Variants in APOBEC3G observed in about 807,000 individuals in gnomAD.
APOBEC3G encodes the protein apolipoprotein B mRNA editing enzyme catalytic subunit 3G, also known as DNA dC->dU-editing enzyme APOBEC-3G.
APOBEC3G carries 44 observed loss-of-function variants against 50.0 expected under a neutral mutation model. The ratio of observed to expected loss-of-function variants is 0.88; its 90% confidence interval spans 0.69 to 1.13. The LOEUF is 1.13. Ranked by LOEUF, APOBEC3G falls within the 50% of genes most tolerant of loss-of-function variation. The pLI is 0.00. For synonymous variants in APOBEC3G, 156 were observed against 175.3 expected, an observed-to-expected ratio of 0.89 and a Z score of 0.87; for missense variants, 469 against 492.0, an observed-to-expected ratio of 0.95 and a Z score of 0.44.
intron 5 of APOBEC3G, 84 bp downstream of exon 5, chr22:39,083,968 T>C (rs1928589500): frequency 6.6e-7 from 1 of 1,506,214 alleles, no homozygotes; most frequent in Non-Finnish European, 9.0e-7. Flanking sequence ...GTGGTACCTG[T>C]GGTGTCCTGC....
chr22:39,077,341 G>C lies in APOBEC3G; in HGVS notation c.-21G>C. On this transcript the variant is annotated 5_prime_UTR_variant, in exon 1 of 8. Transcript: ENST00000407997. ...CCTGGTGCTCCAGACAAAGATCTTA[G>C]TCGGGACTAGCCGGCCAAGGATGAA... 1 of 1,572,916 alleles carries C rather than the reference G, an allele frequency of 6.4e-7. No homozygotes were observed. Among genetic ancestry groups the C allele is most frequent in the Non-Finnish European group, 8.6e-7 (1 of 1,158,516 alleles).
At position 39,081,037 on chromosome 22, in the gene APOBEC3G, A is replaced by G; in HGVS notation, c.276A>G (p.Ile92Met). ...RDQEYEVTWY[I>M]SWSPCTKCTR... ...AGGAGTATGAGGTCACCTGGTACAT[A>G]TCCTGGAGCCCCTGCACAAAGTGTA... Residue 92 changes from isoleucine (I) to methionine (M), a missense_variant, in exon 3 of 8, where the codon ATA becomes ATG. By Grantham distance (10) the Ile-to-Met change is conservative. Coordinates refer to ENST00000407997, the MANE Select transcript of APOBEC3G (RefSeq NM_021822.4). 6.2e-7 allele frequency: 1 copy of G among 1,614,124 alleles called. No homozygotes were observed. Among genetic ancestry groups the G allele is most frequent in the Non-Finnish European group, 8.5e-7 (1 of 1,180,022 alleles).
chr22:39,087,196 C>T, intron 7 of APOBEC3G, 70 bp downstream of exon 7: 1 of 1,609,512 alleles, frequency 6.2e-7, no homozygotes, highest in Non-Finnish European at 8.5e-7. Flanking sequence ...TGCGCCGTGC[C>T]TTCCCCTCTG....
chr22:39,083,764 C>T lies in APOBEC3G; in HGVS notation c.615C>T (p.Asn205=). 6.2e-7 allele frequency: 1 copy of T among 1,613,998 alleles called. No homozygotes were observed. The highest frequency in any genetic ancestry group is 8.5e-7 in the Non-Finnish European group (1 of 1,179,902). Residue 205 remains asparagine (N), a synonymous_variant, in exon 5 of 8, where the codon AAC becomes AAT. Transcript: ENST00000407997. Reference sequence around the variant, plus strand: ...TGGATCCACCCACATTCACTTTCAACTTTAACAATGAACCTTGGGTCAGAG... The same window carrying T: ...TGGATCCACCCACATTCACTTTCAATTTTAACAATGAACCTTGGGTCAGAG... ...HSMDPPTFTF[N]FNNEPWVRGR... is the part of the protein sequence containing the mutation.
rs1418541013 is a variant in APOBEC3G, at chr22:39,083,895, C to T, written c.735+11C>T. 1 of 1,610,926 alleles carries T rather than the reference C, an allele frequency of 6.2e-7. No individual in the cohort carries two copies. Among genetic ancestry groups the T allele is most frequent in the African/African-American group, 1.3e-5 (1 of 74,992 alleles). On this transcript the variant is annotated intron_variant, in intron 5 of 7. Transcript: ENST00000407997. ...TTTCTATGCAACCAGGTGACCAACCCAGCCACCCGCATCCAGGCAGGGCCC... is the reference window on the plus strand; with the variant it reads ...TTTCTATGCAACCAGGTGACCAACCTAGCCACCCGCATCCAGGCAGGGCCC...
chr22:39,085,090 A>T (rs1928635443), intron 5 of APOBEC3G, among the ~76,000 whole-genome samples: 1 of 152,120 alleles, frequency 6.6e-6, no homozygotes, highest in Admixed American at 6.5e-5. Context: ...CGTGTCATCC[A>T]TTCTACCCCG....
chr22:39,077,557 A>ACTGCTG (rs1301804378), intron 1 of APOBEC3G, among the ~76,000 whole-genome samples, 179 bp downstream of exon 1: 1 of 147,846 alleles, frequency 6.8e-6, no homozygotes, highest in African/African-American at 2.5e-5. Context: ...TTGTCGCCCC[A>ACTGCTG]CTGCTGCTTC....
intron 5 of APOBEC3G, 110 bp from the exon 6 acceptor site, chr22:39,086,169 T>C: frequency 8.1e-7 from 1 of 1,227,294 alleles, no homozygotes; most frequent in Non-Finnish European, 1.1e-6. Flanking sequence ...CCTGGTGTGG[T>C]GGTGCATGCC....
At chr22:39,084,255 ACG>A (rs1569085542) in intron 5 of APOBEC3G, among the ~76,000 whole-genome samples, 1 of 151,508 alleles carries the variant, frequency 6.6e-6, no homozygotes, top group Non-Finnish European at 1.5e-5. Context: ...CCGGCCGGGC[ACG>A]GTGGCTCATG....
At position 39,081,148 on chromosome 22, in the gene APOBEC3G, A is replaced by G. The variant is rs779386703; in HGVS notation, c.387A>G (p.Pro129=). The change falls in exon 3 of 8, where the codon CCA becomes CCG. Residue 129 remains proline, a synonymous_variant. Coordinates refer to ENST00000407997, the MANE Select transcript of APOBEC3G (RefSeq NM_021822.4). Reference sequence around the variant, plus strand: ...CCCGCCTCTACTACTTCTGGGACCCAGATTACCAGGAGGCGCTTCGCAGCC... The same window carrying G: ...CCCGCCTCTACTACTTCTGGGACCCGGATTACCAGGAGGCGCTTCGCAGCC... ...FVARLYYFWD[P]DYQEALRSLC... is the part of the protein sequence containing the mutation. 3.1e-6 allele frequency: 5 copies of G among 1,614,144 alleles called. No individual in the cohort carries two copies. In the African/African-American group the frequency reaches 5.3e-5, roughly 17 times the overall value.
chr22:39,086,376 G>A lies in APOBEC3G; in HGVS notation c.833G>A (p.Arg278Lys). The change falls in exon 6 of 8, where the codon AGG becomes AAG. Residue 278 changes from arginine (R) to lysine (K), a missense_variant. Physicochemically the swap from Arg to Lys is conservative, Grantham distance 26 (BLOSUM62 2). Transcript: ENST00000407997. ...FWKLDLDQDY[R>K]VTCFTSWSPC... ...AAGCTGGACCTGGACCAGGACTACAGGGTTACCTGCTTCACCTCCTGGAGC... is the reference window on the plus strand; with the variant it reads ...AAGCTGGACCTGGACCAGGACTACAAGGTTACCTGCTTCACCTCCTGGAGC... The A allele has an allele frequency of 3.1e-6, 5 of 1,614,164 alleles. No homozygotes were observed. The highest frequency in any genetic ancestry group is 4.2e-6 in the Non-Finnish European group (5 of 1,180,008).
chr22:39,083,484 C>A (rs983287323), intron 4 of APOBEC3G, among the ~76,000 whole-genome samples: 2 of 152,312 alleles, frequency 1.3e-5, no homozygotes, highest in African/African-American at 4.8e-5. Context: ...CCTGGGGAGA[C>A]CCTGACAAGG....
chr22:39,081,197 C>T lies in APOBEC3G; in HGVS notation c.436C>T (p.Arg146Cys), dbSNP rs200526446. 1.2e-5 allele frequency: 19 copies of T among 1,614,082 alleles called. No individual in the cohort carries two copies. Among genetic ancestry groups the T allele is most frequent in the East Asian group, 2.2e-5 (1 of 44,902 alleles). ...RSLCQKRDGP[R>C]ATMKIMNYDE... ...CCTGTGTCAGAAAAGAGACGGTCCGCGTGCCACCATGAAGATCATGAATTA... is the reference window on the plus strand; with the variant it reads ...CCTGTGTCAGAAAAGAGACGGTCCGTGTGCCACCATGAAGATCATGAATTA... The change falls in exon 3 of 8, where the codon CGT becomes TGT. Residue 146 changes from arginine (R) to cysteine (C), a missense_variant. Transcript: ENST00000407997.
chr22:39,079,114 G>A (rs769007708), intron 2 of APOBEC3G, 29 bp downstream of exon 2: 3 of 1,612,304 alleles, frequency 1.9e-6, no homozygotes, highest in Non-Finnish European at 2.5e-6. Context: ...TCACTTTGCA[G>A]GCAGGAGCTA....
At chr22:39,078,567 G>A (rs527609821) in intron 1 of APOBEC3G, 9 of 185,258 alleles carry the variant, frequency 4.9e-5, no homozygotes, top group South Asian at 3.4e-4. Flanking sequence ...TCACCCCCGC[G>A]CAGCACTTAG....
intron 4 of APOBEC3G, chr22:39,082,540 C>T (rs1928514838): frequency 6.6e-6 from 1 of 152,484 alleles, no homozygotes; most frequent in Admixed American, 6.5e-5. Flanking sequence ...AGGAGAATCG[C>T]TTGAACCCGG....
At chr22:39,086,838 C>T in intron 6 of APOBEC3G, among the ~76,000 whole-genome samples, 173 bp from the exon 7 acceptor site, 1 of 152,134 alleles carries the variant, frequency 6.6e-6, no homozygotes, top group East Asian at 1.9e-4. Flanking sequence ...TGGGCTGGCC[C>T]AGATTCCAAT....
At chr22:39,085,079 T>C (rs2146300118) in intron 5 of APOBEC3G, among the ~76,000 whole-genome samples, 1 of 152,218 alleles carries the variant, frequency 6.6e-6, no homozygotes, top group Non-Finnish European at 1.5e-5. Context: ...TCAGCACAAA[T>C]CGTGTCATCC....
chr22:39,081,950 G>A (rs1045053157), intron 4 of APOBEC3G: 2 of 193,064 alleles, frequency 1.0e-5, no homozygotes, highest in African/African-American at 2.4e-5. Flanking sequence ...CACAAGCCCG[G>A]CAGTCAGAAG....
Sources: gnomAD v4.1 joint callset for allele counts (sites outside exome capture counted in the v4.1 genomes callset) on GRCh38, gnomAD v4.1.1 for gene constraint, MANE v1.5 for transcripts, NCBI Gene and HGNC (gene_info 2026-07-23, HGNC 2026-07-21) for gene names.